PFKFB3: variants seen among roughly 807,000 people sequenced by gnomAD.
PFKFB3 encodes the protein 6-phosphofructo-2-kinase/fructose-2,6-bisphosphatase 3.
A neutral mutation model predicts 68.0 loss-of-function variants in PFKFB3; 33 were observed. The observed-to-expected ratio is 0.49, with a 90% CI of 0.37 to 0.65. The LOEUF (loss-of-function observed/expected upper bound fraction) is 0.65, where lower values mean the gene tolerates loss of function less well. PFKFB3 is among the 30% of genes least tolerant of loss of function. PFKFB3 has a pLI of 0.00. For synonymous variants in PFKFB3, 315 were observed against 288.2 expected (o/e 1.09, Z -0.94); for missense variants, 586 against 712.2 (o/e 0.82, Z 2.02).
At position 6,203,306 on chromosome 10, in the gene PFKFB3, C is replaced by T; in HGVS notation, c.46C>T (p.Pro16Ser). The T allele has an allele frequency of 6.2e-7, 1 of 1,610,594 alleles. No individual in the cohort carries two copies. Residue 16 changes from proline (P) to serine (S), a missense_variant, in exon 1 of 15, where the codon CCC becomes TCC. Coordinates refer to ENST00000379775, the MANE Select transcript of PFKFB3 (RefSeq NM_004566.4). ...TQSRVQKIWV[P>S]VDHRPSLPRS... ...GAGCCGAGTGCAGAAGATCTGGGTG[C>T]CCGTGGACCACAGGCCCTCGTTGCC...
At chr10:6,322,058 G>A in the PFKFB3 span, among the ~76,000 whole-genome samples, 1 of 152,204 alleles carries the variant, frequency 6.6e-6, no homozygotes, top group African/African-American at 2.4e-5. Context: ...TCCCCTGGGT[G>A]TTAGTCTGGT....
chr10:6,204,443 C>T (rs1843556594), intron 1 of PFKFB3, among the ~76,000 whole-genome samples: 1 of 152,226 alleles, frequency 6.6e-6, no homozygotes, highest in Non-Finnish European at 1.5e-5. Flanking sequence ...ACGGCCCCCG[C>T]GGGACTTGGC....
At chr10:6,225,195 C>T (rs1057474451) in intron 13 of PFKFB3, 3 of 456,322 alleles carry the variant, frequency 6.6e-6, no homozygotes, top group Admixed American at 4.7e-5. Context: ...TAGTACTAGT[C>T]AGACCTTTCT....
the PFKFB3 span, among the ~76,000 whole-genome samples, chr10:6,291,945 GTTTTTTTTTTTTTTT>G: frequency 2.1e-5 from 2 of 94,382 alleles, no homozygotes; most frequent in East Asian, 3.5e-4. Flanking sequence ...GAAACCAGTG[GTTTTTTTTTTTTTTT>G]TTTTTTTTTT....
chr10:6,202,371 G>C (rs11257229), upstream of PFKFB3: 36,118 of 152,324 alleles, frequency 0.24, 4,394 homozygotes, highest in Middle Eastern at 0.31. Context: ...CTCCCCGCGG[G>C]TCGCCCGGGT....
intron 1 of PFKFB3, among the ~76,000 whole-genome samples, chr10:6,184,779 T>TTTC (rs1158601300): frequency 6.7e-6 from 1 of 150,082 alleles, no homozygotes; most frequent in Non-Finnish European, 1.5e-5. Flanking sequence ...GCCTTTTTTT[T>TTTC]TTTTTTTTTT....
rs1454613253 is a variant in PFKFB3, at chr10:6,215,915, A to G, written c.300-210A>G. On this transcript the variant is annotated intron_variant, in intron 3 of 14. Transcript: ENST00000379775. This position sits in a 1 kb window ranked among gnomAD's most constrained non-coding sequence, Gnocchi z 4.3. ...TTCCCGCGTGCAGCCCGGTTTGAGC[A>G]CCGCCTCCCGAGGGTTCCTGAGGCC... Among the ~76,000 whole-genome samples the G allele has an allele frequency of 2.0e-5, 3 of 152,036 alleles. No individual in the cohort carries two copies. The highest frequency in any genetic ancestry group is 4.4e-5 in the Non-Finnish European group (3 of 68,010).
the PFKFB3 span, among the ~76,000 whole-genome samples, chr10:6,271,869 C>T: frequency 6.6e-6 from 1 of 152,154 alleles, no homozygotes; most frequent in African/African-American, 2.4e-5. Context: ...AATCCTAGTT[C>T]AACCTTGAAT....
the PFKFB3 span, among the ~76,000 whole-genome samples, chr10:6,277,242 CT>C: frequency 6.7e-6 from 1 of 149,470 alleles, no homozygotes; most frequent in South Asian, 2.1e-4. Flanking sequence ...CTTTTCTTTT[CT>C]TTTTTTTTGA....
At chr10:6,190,058 C>G (rs776366827) in intron 1 of PFKFB3, among the ~76,000 whole-genome samples, 1 of 152,084 alleles carries the variant, frequency 6.6e-6, no homozygotes, top group Non-Finnish European at 1.5e-5. Context: ...ATTCTCCTGC[C>G]TCAGCCTTCC....
intron 1 of PFKFB3, among the ~76,000 whole-genome samples, chr10:6,188,828 A>AT (rs35338599): frequency 0.014 from 1,559 of 112,988 alleles, 12 homozygotes; most frequent in Middle Eastern, 0.05. Flanking sequence ...CTTCCTTTTA[A>AT]TTTTTTTTTT....
the PFKFB3 span, among the ~76,000 whole-genome samples, chr10:6,291,471 A>G: frequency 0.062 from 9,453 of 151,964 alleles, 969 homozygotes; most frequent in African/African-American, 0.21. Flanking sequence ...AGAATTGCTC[A>G]AGCCCAAGAG....
the PFKFB3 span, chr10:6,294,507 A>G: frequency 9.1e-5 from 19 of 208,220 alleles, no homozygotes; most frequent in East Asian, 2.3e-3. Context: ...CAAGAACAGC[A>G]TGGGAAAGAC....
chr10:6,196,508 G>T (rs1843179486), intron 1 of PFKFB3, among the ~76,000 whole-genome samples: 1 of 152,184 alleles, frequency 6.6e-6, no homozygotes, highest in Admixed American at 6.5e-5. Flanking sequence ...AGTTAATAGT[G>T]CAGCCTTCAG....
the PFKFB3 span, among the ~76,000 whole-genome samples, chr10:6,315,257 C>T: frequency 2.0e-5 from 3 of 152,118 alleles, no homozygotes; most frequent in Admixed American, 1.3e-4. Context: ...CGGTGAATGC[C>T]ATCCCAGAGT....
intron 1 of PFKFB3, among the ~76,000 whole-genome samples, chr10:6,179,304 C>T (rs768125611): frequency 4.6e-5 from 7 of 152,190 alleles, no homozygotes; most frequent in Middle Eastern, 3.2e-3. Context: ...TGGATGAGGG[C>T]GAAGCCGACA....
intron 1 of PFKFB3, among the ~76,000 whole-genome samples, chr10:6,208,319 C>T (rs1321577671): frequency 6.8e-6 from 1 of 147,798 alleles, no homozygotes; most frequent in Non-Finnish European, 1.5e-5. Flanking sequence ...AAGCAATGCC[C>T]CCTTGGCCTC....
chr10:6,255,203 C>A (rs1178545404), downstream of PFKFB3, among the ~76,000 whole-genome samples: 1 of 151,924 alleles, frequency 6.6e-6, no homozygotes, highest in Non-Finnish European at 1.5e-5. Flanking sequence ...CAGCTCACTG[C>A]AACCTCTGCC....
the PFKFB3 span, among the ~76,000 whole-genome samples, chr10:6,319,681 T>C: frequency 1.6e-5 from 1 of 62,672 alleles, no homozygotes; most frequent in South Asian, 4.4e-4. Context: ...AATTGTAAAA[T>C]TGTAAAAAAA....
Sources: gnomAD v4.1 joint callset for allele counts (sites outside exome capture counted in the v4.1 genomes callset) on GRCh38, gnomAD v4.1.1 for gene constraint, Gnocchi (gnomAD v3.1) non-coding constraint, MANE v1.5 for transcripts, NCBI Gene and HGNC (gene_info 2026-07-23, HGNC 2026-07-21) for gene names.